The following FBLN2 variants were observed in gnomAD, a reference collection of about 807,000 sequenced individuals.
FBLN2 encodes fibulin 2, also known as fibulin-2.
Under a neutral mutation model 123.7 loss-of-function variants are expected in FBLN2, and 81 were observed. The ratio of observed to expected loss-of-function variants is 0.65; its 90% CI spans 0.55 to 0.79. FBLN2 has a LOEUF of 0.79. Among genes scored for constraint, FBLN2 ranks in the 30% least tolerant of loss-of-function variants. The probability of loss-of-function intolerance (pLI) is 0.00; values close to 1 mark genes in which losing one functional copy is unlikely to be tolerated. For missense variants in FBLN2, 1,603 were observed against 1,681.3 expected, an observed-to-expected ratio of 0.95 and a Z score of 0.81; for synonymous variants, 699 against 701.4, an observed-to-expected ratio of 1.00 and a Z score of 0.05.
At chr3:13,592,539 C>T (rs1025899645) in intron 2 of FBLN2, among the ~76,000 whole-genome samples, 8 of 152,198 alleles carry the variant, frequency 5.3e-5, no homozygotes, top group Non-Finnish European at 1.0e-4. Context: ...GCTAGCATCT[C>T]AATTGGTATT....
chr3:13,591,889 A>T (rs1327874874), intron 2 of FBLN2, among the ~76,000 whole-genome samples: 1 of 152,036 alleles, frequency 6.6e-6, no homozygotes, highest in Non-Finnish European at 1.5e-5. Flanking sequence ...TCAGTTTTTT[A>T]CTGATAGACA....
At chr3:13,612,184 CA>C (rs1482062678) in intron 4 of FBLN2, among the ~76,000 whole-genome samples, 1 of 152,130 alleles carries the variant, frequency 6.6e-6, no homozygotes, top group East Asian at 1.9e-4. Flanking sequence ...ACCCTGTTGA[CA>C]GGGTCTAGAA....
At chr3:13,570,258 C>T in intron 1 of FBLN2, 57 bp from the exon 2 acceptor site, 1 of 1,434,904 alleles carries the variant, frequency 7.0e-7, no homozygotes. Flanking sequence ...TGCCGGTGTG[C>T]ACCGTGTCTG....
chr3:13,568,149 C>T (rs1302324449), intron 1 of FBLN2, among the ~76,000 whole-genome samples: 1 of 152,122 alleles, frequency 6.6e-6, no homozygotes, highest in Non-Finnish European at 1.5e-5. Context: ...GGGCGTCAGC[C>T]CTCGAGGCCC....
chr3:13,592,710 A>G (rs943929434), intron 2 of FBLN2, among the ~76,000 whole-genome samples: 2 of 152,098 alleles, frequency 1.3e-5, no homozygotes, highest in African/African-American at 2.4e-5. Context: ...CTTTAATTAG[A>G]TGTATTCTTA....
chr3:13,636,302 G>A (rs1409285907), intron 16 of FBLN2, 143 bp from the exon 17 acceptor site: 6 of 947,652 alleles, frequency 6.3e-6, no homozygotes, highest in Non-Finnish European at 9.3e-6. Context: ...CAGGTGAGAT[G>A]GGGCATGTGT....
chr3:13,571,718 C>G (rs1035248845), intron 2 of FBLN2, 57 bp downstream of exon 2: 5 of 1,466,104 alleles, frequency 3.4e-6, no homozygotes, highest in Admixed American at 5.0e-5. Context: ...CAGCCTTGGG[C>G]TCTGGCCGCT....
intron 17 of FBLN2, among the ~76,000 whole-genome samples, chr3:13,636,982 A>T (rs1241782403): frequency 6.6e-6 from 1 of 152,200 alleles, no homozygotes; most frequent in Non-Finnish European, 1.5e-5. Context: ...GGATCCTGCC[A>T]CTGCTCATGG....
chr3:13,613,786 T>C (rs758672731), intron 4 of FBLN2, 198 bp from the exon 5 acceptor site: 12 of 520,630 alleles, frequency 2.3e-5, no homozygotes, highest in Non-Finnish European at 3.3e-5. Context: ...TGTTATCTGT[T>C]TCAAAAGACT....
At chr3:13,572,879 C>T (rs1396964565) in intron 2 of FBLN2, among the ~76,000 whole-genome samples, 1 of 152,224 alleles carries the variant, frequency 6.6e-6, no homozygotes, top group African/African-American at 2.4e-5. Flanking sequence ...GAGCTGGGGG[C>T]TTGCAGATCC....
intron 2 of FBLN2, among the ~76,000 whole-genome samples, chr3:13,581,883 C>A (rs1445282176): frequency 6.6e-6 from 1 of 152,116 alleles, no homozygotes; most frequent in Non-Finnish European, 1.5e-5. Flanking sequence ...AGCTCTGAAC[C>A]CAGATCTGTT....
At chr3:13,561,794 G>A (rs1259760979) in intron 1 of FBLN2, among the ~76,000 whole-genome samples, 3 of 152,178 alleles carry the variant, frequency 2.0e-5, no homozygotes, top group African/African-American at 4.8e-5. Context: ...GGGCTGGCCG[G>A]TAGCAACTGT....
At chr3:13,604,067 C>T (rs1705126964) in intron 2 of FBLN2, among the ~76,000 whole-genome samples, 1 of 152,136 alleles carries the variant, frequency 6.6e-6, no homozygotes, top group African/African-American at 2.4e-5. Flanking sequence ...ATCCTTCGCC[C>T]ACTTTTTGAT....
intron 16 of FBLN2, 78 bp downstream of exon 16, chr3:13,631,535 C>T: frequency 1.4e-6 from 2 of 1,478,612 alleles, no homozygotes; most frequent in South Asian, 1.3e-5. Flanking sequence ...AAAGCTCACA[C>T]AGCTTGCGTG....
intron 13 of FBLN2, 86 bp downstream of exon 13, chr3:13,629,378 C>G (rs890017949): frequency 6.8e-7 from 1 of 1,460,084 alleles, no homozygotes; most frequent in South Asian, 1.4e-5. Context: ...TGCCCAGCAC[C>G]TCCACTGCCT....
At chr3:13,593,578 G>A (rs1211801786) in intron 2 of FBLN2, among the ~76,000 whole-genome samples, 1 of 152,118 alleles carries the variant, frequency 6.6e-6, no homozygotes, top group African/African-American at 2.4e-5. Context: ...GCCGGGCGTG[G>A]TGGTGTGCCC....
In FBLN2 at chr3:13,571,404, G is replaced by C; in HGVS notation, c.1049G>C (p.Ser350Thr). 6.2e-7 allele frequency: 1 copy of C among 1,613,016 alleles called. No homozygotes were observed. Among genetic ancestry groups the C allele is most frequent in the East Asian group, 2.2e-5 (1 of 44,830 alleles). Residue 350 changes from serine to threonine, a missense_variant, in exon 2 of 18, where the codon AGC (serine) becomes ACC (threonine). Ser to Thr is a moderately conservative substitution (Grantham distance 58). Coordinates refer to ENST00000404922, the MANE Select transcript of FBLN2 (RefSeq NM_001004019.2). ...LILDAQATSRSTGPEGVTHAP... is the reference protein window; with the variant it reads ...LILDAQATSRTTGPEGVTHAP... Reference sequence around the variant, plus strand: ...CTGGATGCCCAAGCCACGTCCCGCAGCACTGGGCCGGAGGGCGTGACGCAT... The same window carrying C: ...CTGGATGCCCAAGCCACGTCCCGCACCACTGGGCCGGAGGGCGTGACGCAT...
At chr3:13,555,729 C>T (rs1196597822) in intron 1 of FBLN2, among the ~76,000 whole-genome samples, 1 of 152,240 alleles carries the variant, frequency 6.6e-6, no homozygotes, top group Non-Finnish European at 1.5e-5. Flanking sequence ...GCTGGGATTA[C>T]AGGCGTGAGC....
At chr3:13,620,266 C>T (rs1026308911) in intron 8 of FBLN2, among the ~76,000 whole-genome samples, 8 of 152,110 alleles carry the variant, frequency 5.3e-5, no homozygotes, top group East Asian at 1.9e-4. Context: ...GCTGCTGGTC[C>T]GCGGACACCA....
Sources: gnomAD v4.1 joint callset for allele counts (sites outside exome capture counted in the v4.1 genomes callset) on GRCh38, gnomAD v4.1.1 for gene constraint, MANE v1.5 for transcripts, NCBI Gene and HGNC (gene_info 2026-07-23, HGNC 2026-07-21) for gene names.